XXYLT1: variants seen among roughly 807,000 people sequenced by gnomAD.
XXYLT1 encodes the protein UDP-xylose:alpha-xyloside alpha-1,3-xylosyltransferase.
Under a neutral mutation model 28.9 loss-of-function variants are expected in XXYLT1, and 20 were observed. The observed-to-expected ratio is 0.69, with a 90% CI of 0.49 to 1.00. XXYLT1 has a LOEUF of 1.00. XXYLT1 is among the 50% of genes least tolerant of loss of function. XXYLT1 has a pLI of 0.00. For missense variants in XXYLT1, 542 were observed against 560.1 expected (o/e 0.97, Z 0.33); for synonymous variants, 257 against 253.8 (o/e 1.01, Z -0.12).
intron 3 of XXYLT1, among the ~76,000 whole-genome samples, chr3:195,138,763 G>A (rs1249750422): frequency 1.3e-5 from 2 of 151,042 alleles, no homozygotes; most frequent in African/African-American, 2.4e-5. Flanking sequence ...GCTGAGGCAG[G>A]AGAATTGCTT....
At chr3:195,254,257 C>T (rs1461564581) in intron 1 of XXYLT1, among the ~76,000 whole-genome samples, 1 of 152,248 alleles carries the variant, frequency 6.6e-6, no homozygotes, top group African/African-American at 2.4e-5. Context: ...TAAATTTGCC[C>T]TGAAACTGGG....
intron 3 of XXYLT1, among the ~76,000 whole-genome samples, chr3:195,126,980 T>C (rs373236059): frequency 3.9e-5 from 6 of 152,224 alleles, no homozygotes; most frequent in African/African-American, 1.4e-4. Context: ...CCATGTACCA[T>C]TCTGTAACTC....
At chr3:195,243,406 A>AT (rs1724869945) in intron 1 of XXYLT1, among the ~76,000 whole-genome samples, 1 of 151,546 alleles carries the variant, frequency 6.6e-6, no homozygotes, top group Non-Finnish European at 1.5e-5. Context: ...TTATAAGAAA[A>AT]TTTCCACCGA....
chr3:195,232,733 CAGAGA>C (rs1724355122), intron 1 of XXYLT1, among the ~76,000 whole-genome samples: 1 of 152,114 alleles, frequency 6.6e-6, no homozygotes, highest in South Asian at 2.1e-4. Flanking sequence ...CCATTGTAGT[CAGAGA>C]AGATACTTGA....
chr3:195,139,827 T>G (rs1719393228), intron 3 of XXYLT1, among the ~76,000 whole-genome samples: 1 of 152,094 alleles, frequency 6.6e-6, no homozygotes, highest in Non-Finnish European at 1.5e-5. Flanking sequence ...AGAGTTGGGG[T>G]GGGCTGGGCT....
At chr3:195,215,721 T>C (rs1414893369) in intron 2 of XXYLT1, among the ~76,000 whole-genome samples, 2 of 151,840 alleles carry the variant, frequency 1.3e-5, no homozygotes, top group Non-Finnish European at 1.5e-5. Flanking sequence ...ACATTAATAA[T>C]GGGAGACTTT....
At position 195,143,797 on chromosome 3, in the gene XXYLT1, TATAGATAGATATATATAG is replaced by T. The variant is rs1439282089; in HGVS notation, c.785+12634_785+12651del. Among the ~76,000 whole-genome samples, 19 of 107,242 alleles carry T rather than the reference TATAGATAGATATATATAG, an allele frequency of 1.8e-4. No individual in the cohort carries two copies. In the East Asian group the frequency reaches 4.1e-3, roughly 23 times the overall value. The allele number at this position is 107,242 out of a possible 152,430, so 70.4% of individuals were successfully genotyped here. The stretch of plus-strand genomic sequence containing the variant: ...AATGTTCTCTCATTATATATATATA[TATAGATAGATATATATAG>T]ATATAGATATATATAGATATAGATA... On this transcript the variant is annotated intron_variant, in intron 3 of 3. Coordinates refer to ENST00000310380, the MANE Select transcript of XXYLT1 (RefSeq NM_152531.5).
intron 3 of XXYLT1, among the ~76,000 whole-genome samples, chr3:195,123,533 T>A (rs1242432612): frequency 2.0e-5 from 3 of 152,018 alleles, no homozygotes; most frequent in Non-Finnish European, 4.4e-5. Context: ...GACGAGTGAG[T>A]CCTGAGGGCT....
intron 2 of XXYLT1, among the ~76,000 whole-genome samples, chr3:195,224,320 A>T (rs1158683059): frequency 2.0e-5 from 3 of 152,218 alleles, no homozygotes; most frequent in Non-Finnish European, 4.4e-5. Flanking sequence ...AGGGACACCA[A>T]TGATGCGTCC....
intron 2 of XXYLT1, among the ~76,000 whole-genome samples, chr3:195,202,975 A>T (rs1387047114): frequency 1.3e-5 from 2 of 152,082 alleles, no homozygotes; most frequent in Admixed American, 6.6e-5. Flanking sequence ...AACACAAATT[A>T]AAAAAAGAAA....
chr3:195,202,065 C>T (rs552858302), intron 2 of XXYLT1, among the ~76,000 whole-genome samples: 8 of 151,618 alleles, frequency 5.3e-5, no homozygotes, highest in South Asian at 2.1e-4. Context: ...TAATCCCAGC[C>T]ACTCAGGAGG....
At position 195,076,895 on chromosome 3, in the gene XXYLT1, CTT is replaced by C. The variant is rs1715153164; in HGVS notation, c.786-6786_786-6785del. On this transcript the variant is annotated intron_variant, in intron 3 of 3. Transcript: ENST00000310380. This position sits in a 1 kb window ranked among gnomAD's most constrained non-coding sequence, Gnocchi z 5.3. ...ACCCCAGCAGAACCTCATCTCAACT[CTT>C]TATATCTGCAACAACCCCATTCCCA... Among the ~76,000 whole-genome samples, 1 of 152,192 alleles carries C rather than the reference CTT, an allele frequency of 6.6e-6. No homozygotes were observed. The highest frequency in any genetic ancestry group is 1.5e-5 in the Non-Finnish European group (1 of 68,028).
chr3:195,112,631 A>AC (rs1158493265), intron 3 of XXYLT1, among the ~76,000 whole-genome samples: 1 of 136,392 alleles, frequency 7.3e-6, no homozygotes, highest in African/African-American at 2.6e-5. Flanking sequence ...GCACACACAC[A>AC]CCCCCATGCA....
At chr3:195,103,320 C>T (rs190063686) in intron 3 of XXYLT1, among the ~76,000 whole-genome samples, 73 of 129,672 alleles carry the variant, frequency 5.6e-4, no homozygotes, top group African/African-American at 2.0e-3. Context: ...CAGCGACCTG[C>T]GTCCATCACC....
chr3:195,252,332 A>T (rs1725288509), intron 1 of XXYLT1, among the ~76,000 whole-genome samples: 1 of 152,258 alleles, frequency 6.6e-6, no homozygotes, highest in Admixed American at 6.5e-5. Flanking sequence ...ATTTCCTTAA[A>T]AAAAGAATCT....
chr3:195,159,710 G>A (rs1346523831), intron 2 of XXYLT1, among the ~76,000 whole-genome samples: 1 of 152,132 alleles, frequency 6.6e-6, no homozygotes, highest in Non-Finnish European at 1.5e-5. Flanking sequence ...CTATTTTCAG[G>A]GCTGAGAACA....
In XXYLT1 at chr3:195,180,292, C is replaced by T; in HGVS notation, c.653-23711G>A. The T allele has an allele frequency of 1.0e-6, 1 of 984,040 alleles. No individual in the cohort carries two copies. Among genetic ancestry groups the T allele is most frequent in the Non-Finnish European group, 1.2e-6 (1 of 828,696 alleles). The allele number at this position is 984,040 out of a possible 1,614,324, so 61.0% of individuals were successfully genotyped here. A position where few individuals can be genotyped will look rare whatever the true frequency, so the allele number is the denominator to read the frequency against. On this transcript the variant is annotated intron_variant, in intron 2 of 3. Coordinates refer to ENST00000310380, the MANE Select transcript of XXYLT1 (RefSeq NM_152531.5). This position sits in a 1 kb window ranked among gnomAD's most constrained non-coding sequence, Gnocchi z 5.8. ...GGTCCCCCAGTTACAGGAAAGGTCC[C>T]TTCCATCCTGGGGACCCAACTCATG...
At chr3:195,262,488 C>T (rs1725725789) in intron 1 of XXYLT1, among the ~76,000 whole-genome samples, 1 of 81,580 alleles carries the variant, frequency 1.2e-5, no homozygotes, top group South Asian at 5.5e-4. Context: ...AATTATATTT[C>T]AATTTTTGTT....
chr3:195,085,380 G>A (rs1036986084), intron 3 of XXYLT1, among the ~76,000 whole-genome samples: 3 of 152,180 alleles, frequency 2.0e-5, no homozygotes, highest in Non-Finnish European at 4.4e-5. Flanking sequence ...CAGAAAATAC[G>A]CAACTCACCC....
Sources: allele counts gnomAD v4.1 joint callset (sites outside exome capture counted in the v4.1 genomes callset), GRCh38; gene constraint gnomAD v4.1.1; non-coding constraint Gnocchi (gnomAD v3.1); transcripts MANE v1.5; gene names NCBI Gene and HGNC (gene_info 2026-07-23, HGNC 2026-07-21).